Variants in ZNF277 observed in about 807,000 individuals in gnomAD.
ZNF277 encodes zinc finger protein 277, also known as nuclear receptor-interacting factor 4.
A neutral mutation model predicts 60.7 loss-of-function variants in ZNF277; 55 were observed. The observed-to-expected ratio is 0.91, with a 90% CI of 0.73 to 1.13. The LOEUF (loss-of-function observed/expected upper bound fraction) is 1.13, where lower values mean the gene tolerates loss of function less well. ZNF277 is among the 50% of genes most tolerant of loss of function. The pLI is 0.00. For missense variants in ZNF277, 510 were observed against 523.0 expected, an observed-to-expected ratio of 0.98 and a Z score of 0.24; for synonymous variants, 178 against 179.3, an observed-to-expected ratio of 0.99 and a Z score of 0.06.
intron 1 of ZNF277, among the ~76,000 whole-genome samples, chr7:112,231,761 C>T (rs1259324064): frequency 2.0e-5 from 3 of 152,004 alleles, no homozygotes; most frequent in Non-Finnish European, 2.9e-5. Context: ...CACTATTTTA[C>T]ATCAAGTACT....
At chr7:112,242,648 A>G (rs982804163) in intron 1 of ZNF277, among the ~76,000 whole-genome samples, 20 of 151,938 alleles carry the variant, frequency 1.3e-4, no homozygotes, top group Non-Finnish European at 2.6e-4. Flanking sequence ...ACTATGAAAC[A>G]CTGATGAAAG....
At chr7:112,297,146 C>G (rs892970780) in intron 4 of ZNF277, among the ~76,000 whole-genome samples, 1 of 151,426 alleles carries the variant, frequency 6.6e-6, no homozygotes, top group Non-Finnish European at 1.5e-5. Context: ...CAAGGATGGT[C>G]TCGATCTCCT....
intron 1 of ZNF277, among the ~76,000 whole-genome samples, chr7:112,224,433 T>G (rs1822121486): frequency 6.6e-6 from 1 of 152,174 alleles, no homozygotes; most frequent in Non-Finnish European, 1.5e-5. Context: ...AACACCTCAG[T>G]ATAGAACTGG....
chr7:112,336,173 T>C lies in ZNF277; in HGVS notation c.869+2T>C. On this transcript the variant is annotated splice_donor_variant, in intron 8 of 11. Transcript: ENST00000361822. LOFTEE classifies it high-confidence loss of function. ...GGAGTTGCTGGACCATCAGGAAGAG[T>C]AAGAGTTGTTATTGCTGCTAATTAA... 1.2e-6 allele frequency: 2 copies of C among 1,607,600 alleles called. No homozygotes were observed. The highest frequency in any genetic ancestry group is 1.7e-6 in the Non-Finnish European group (2 of 1,176,860).
intron 1 of ZNF277, among the ~76,000 whole-genome samples, chr7:112,215,860 G>A (rs543019343): frequency 1.1e-4 from 17 of 152,166 alleles, no homozygotes; most frequent in South Asian, 4.2e-4. Flanking sequence ...AATTGTAATC[G>A]TGGTTATTTA....
chr7:112,219,506 C>T (rs1223156204), intron 1 of ZNF277, among the ~76,000 whole-genome samples: 2 of 152,022 alleles, frequency 1.3e-5, no homozygotes, highest in Non-Finnish European at 1.5e-5. Flanking sequence ...TTCTTGGCAC[C>T]CTTATCAAAG....
At chr7:112,337,630 C>T in intron 8 of ZNF277, 100 bp from the exon 9 acceptor site, 1 of 934,818 alleles carries the variant, frequency 1.1e-6, no homozygotes. Context: ...AAGAGATTGG[C>T]AGGGTTTTTT....
At position 112,315,024 on chromosome 7, in the gene ZNF277, G is replaced by A. The variant is rs1409257416; in HGVS notation, c.466-3158G>A. 4.6e-5 allele frequency among the ~76,000 whole-genome samples: 7 copies of A among 152,140 alleles called. No individual in the cohort carries two copies. In the South Asian group the frequency reaches 1.0e-3, roughly 23 times the overall value. ...GAAATTTTGTCTTCCATCCCTCTGGGCATGCATCAGATAAACATACTTTTA... is the reference window on the plus strand; with the variant it reads ...GAAATTTTGTCTTCCATCCCTCTGGACATGCATCAGATAAACATACTTTTA... On this transcript the variant is annotated intron_variant, in intron 4 of 11. Coordinates refer to ENST00000361822, the MANE Select transcript of ZNF277 (RefSeq NM_021994.3).
intron 6 of ZNF277, 80 bp downstream of exon 6, chr7:112,327,907 T>C: frequency 1.1e-6 from 1 of 925,694 alleles, no homozygotes; most frequent in East Asian, 2.8e-5. Context: ...ATTAATTTAA[T>C]AGAGTAATTA....
chr7:112,319,152 G>A (rs1281280705), intron 5 of ZNF277, among the ~76,000 whole-genome samples: 1 of 151,988 alleles, frequency 6.6e-6, no homozygotes, highest in East Asian at 1.9e-4. Context: ...CATTATGTAG[G>A]TATGATTGAT....
chr7:112,258,264 CA>C (rs1791368895), intron 1 of ZNF277, among the ~76,000 whole-genome samples: 1 of 151,768 alleles, frequency 6.6e-6, no homozygotes, highest in Non-Finnish European at 1.5e-5. Flanking sequence ...TATGAATATA[CA>C]GAAGCCTTTT....
At chr7:112,213,714 A>G (rs1587078936) in intron 1 of ZNF277, among the ~76,000 whole-genome samples, 1 of 152,248 alleles carries the variant, frequency 6.6e-6, no homozygotes, top group South Asian at 2.1e-4. Context: ...GATGTCTCAT[A>G]GTAACTAAAT....
chr7:112,275,925 C>T lies in ZNF277; in HGVS notation c.92-10948C>T, dbSNP rs550222139. On this transcript the variant is annotated intron_variant, in intron 1 of 11. Transcript: ENST00000361822. ...TAGGTAGTTTGAAACTAAGAAATGC[C>T]ACACGGAAATGGGGCAGCAGTCAAA... is the stretch of plus-strand genomic sequence containing the variant. 3.9e-5 allele frequency among the ~76,000 whole-genome samples: 6 copies of T among 152,238 alleles called. No individual in the cohort carries two copies. In the East Asian group the frequency reaches 9.6e-4, roughly 24 times the overall value.
At chr7:112,228,350 C>T (rs370383916) in intron 1 of ZNF277, among the ~76,000 whole-genome samples, 14 of 151,224 alleles carry the variant, frequency 9.3e-5, no homozygotes, top group African/African-American at 2.9e-4. Context: ...CAACCAACTA[C>T]GTCTATTGAA....
intron 1 of ZNF277, among the ~76,000 whole-genome samples, chr7:112,279,808 T>G (rs1019754326): frequency 6.6e-6 from 1 of 152,174 alleles, no homozygotes; most frequent in African/African-American, 2.4e-5. Context: ...GAAAATATAT[T>G]TACTACTCAA....
At chr7:112,303,810 A>G (rs6978767) in intron 4 of ZNF277, among the ~76,000 whole-genome samples, 61,866 of 151,728 alleles carry the variant, frequency 0.41, 15,687 homozygotes, top group African/African-American at 0.72. Flanking sequence ...TTTTTTGGAT[A>G]TTCTGTCCTG....
chr7:112,315,105 A>G (rs114923188), intron 4 of ZNF277, among the ~76,000 whole-genome samples: 2 of 152,058 alleles, frequency 1.3e-5, no homozygotes, highest in Non-Finnish European at 2.9e-5. Context: ...GTATCTGGTA[A>G]GCTCAGTAGA....
At chr7:112,221,702 G>A (rs2116962787) in intron 1 of ZNF277, among the ~76,000 whole-genome samples, 1 of 152,236 alleles carries the variant, frequency 6.6e-6, no homozygotes, top group African/African-American at 2.4e-5. Context: ...TGCATGCACA[G>A]TTCACAGTAG....
intron 1 of ZNF277, among the ~76,000 whole-genome samples, chr7:112,285,941 C>T (rs564813596): frequency 6.6e-6 from 1 of 152,086 alleles, no homozygotes; most frequent in Non-Finnish European, 1.5e-5. Flanking sequence ...TGAAGGTTGC[C>T]TGACTTTCTG....
Sources: gnomAD v4.1 joint callset for allele counts (sites outside exome capture counted in the v4.1 genomes callset) on GRCh38, gnomAD v4.1.1 for gene constraint, MANE v1.5 for transcripts, NCBI Gene and HGNC (gene_info 2026-07-23, HGNC 2026-07-21) for gene names.